CACNA1S: variants seen among roughly 807,000 people sequenced by gnomAD.
CACNA1S encodes voltage-dependent L-type calcium channel subunit alpha-1S.
A neutral mutation model predicts 207.4 loss-of-function variants in CACNA1S; 126 were observed. The observed-to-expected ratio is 0.61, with a 90% CI of 0.53 to 0.70. CACNA1S has a LOEUF of 0.70. CACNA1S is among the 30% of genes least tolerant of loss of function. The pLI is 0.00. For missense variants in CACNA1S, 2,349 were observed against 2,422.8 expected (o/e 0.97, Z 0.64); for synonymous variants, 960 against 932.7 (o/e 1.03, Z -0.53).
rs765510865 is a variant in CACNA1S at position 201,054,529 on chromosome 1, G to A, written c.3642C>T (p.Cys1214=). The change falls in exon 29 of 44, where the codon TGC becomes TGT. Residue 1214 remains cysteine (C), a synonymous_variant. Transcript: ENST00000362061. ...CAACGTTCCCGCAGCCTCCACCCAG[G>A]CAATACAGTCCCCCGCTGGAGGCCA... is the stretch of plus-strand genomic sequence containing the variant. ...TFLASSGGLY[C]LGGGCGNVDP... 6 of 1,613,942 alleles carry A rather than the reference G, an allele frequency of 3.7e-6. No homozygotes were observed. The South Asian group carries it at 6.6e-5, about 18-fold the overall frequency.
rs1572044425 is a variant in CACNA1S, at chr1:201,071,926, G to A, written c.2227+829C>T. Among the ~76,000 whole-genome samples, 3 of 152,208 alleles carry A rather than the reference G, an allele frequency of 2.0e-5. No homozygotes were observed. In the East Asian group the frequency reaches 5.8e-4, roughly 29 times the overall value. ...CCTCCTCTGAGCCAAACACTGTGCTGTGTGGAACACAAAAGTCCCCCTGGA... is the reference window on the plus strand; with the variant it reads ...CCTCCTCTGAGCCAAACACTGTGCTATGTGGAACACAAAAGTCCCCCTGGA... On this transcript the variant is annotated intron_variant, in intron 16 of 43. Transcript: ENST00000362061.
intron 34 of CACNA1S, among the ~76,000 whole-genome samples, chr1:201,049,931 C>T (rs55734382): frequency 0.21 from 31,894 of 152,088 alleles, 4,456 homozygotes; most frequent in Non-Finnish European, 0.32. Context: ...TATTTCCTAT[C>T]GGGAAGGAAA....
chr1:201,047,476 C>G (rs774686972), intron 37 of CACNA1S, 49 bp downstream of exon 37: 11 of 1,491,408 alleles, frequency 7.4e-6, no homozygotes, highest in Non-Finnish European at 8.4e-6. Context: ...GCTCCCCACT[C>G]CCATTCCTTG....
chr1:201,084,776 G>T (rs1337830900), intron 9 of CACNA1S, among the ~76,000 whole-genome samples, 174 bp downstream of exon 9: 1 of 152,126 alleles, frequency 6.6e-6, no homozygotes, highest in African/African-American at 2.4e-5. Context: ...CCGAGGATCT[G>T]GTCCCTGCGG....
Position 201,052,624 on chromosome 1 carries a change from C to T in CACNA1S, c.3886G>A (p.Asp1296Asn). 6.2e-7 allele frequency: 1 copy of T among 1,613,876 alleles called. No homozygotes were observed. The highest frequency in any genetic ancestry group is 8.5e-7 in the Non-Finnish European group (1 of 1,179,906). The change falls in exon 32 of 44, where the codon GAT (aspartate) becomes AAT (asparagine). Residue 1296 changes from aspartate (D) to asparagine (N), a missense_variant. Transcript: ENST00000362061. ...TTGTTCCGGTTTATTTGGGTCCCAT[C>T]CACCAAGGCGATCTTCCCAAACATC... The part of the protein sequence containing the change: ...MQMFGKIALV[D>N]GTQINRNNNF...
At chr1:201,106,458 C>A (rs1244044420) in intron 2 of CACNA1S, among the ~76,000 whole-genome samples, 2 of 152,150 alleles carry the variant, frequency 1.3e-5, no homozygotes, top group Non-Finnish European at 2.9e-5. Context: ...CCCTCTCCCG[C>A]TTGGCCTTCT....
chr1:201,075,361 G>A (rs913781871), intron 13 of CACNA1S, 134 bp downstream of exon 13: 62 of 967,482 alleles, frequency 6.4e-5, no homozygotes, highest in Admixed American at 3.3e-4. Context: ...ACCCCCTACC[G>A]CATGGGCCTG....
intron 32 of CACNA1S, among the ~76,000 whole-genome samples, chr1:201,052,330 C>T (rs1345946819): frequency 6.6e-6 from 1 of 152,100 alleles, no homozygotes; most frequent in Non-Finnish European, 1.5e-5. Context: ...GTGGAGGAGC[C>T]CAGTGCAAAA....
intron 7 of CACNA1S, among the ~76,000 whole-genome samples, chr1:201,087,197 T>TA (rs1320504662): frequency 3.9e-5 from 6 of 152,202 alleles, no homozygotes; most frequent in African/African-American, 1.4e-4. Context: ...CTGTTCTAAG[T>TA]ACTTTATATG....
chr1:201,087,919 G>C lies in CACNA1S; in HGVS notation c.911C>G (p.Ala304Gly). ...GATCCAGGGCCACTCATTCCCGATGGCATCATTGACCTGGTCAGGACAGAA... is the reference window on the plus strand; with the variant it reads ...GATCCAGGGCCACTCATTCCCGATGCCATCATTGACCTGGTCAGGACAGAA... The part of the protein sequence containing the change: ...WTDVLYWVND[A>G]IGNEWPWIYF... Residue 304 changes from alanine (A) to glycine (G), a missense_variant, in exon 7 of 44, where the codon GCC becomes GGC. Physicochemically the swap from Ala to Gly is moderately conservative, Grantham distance 60 (BLOSUM62 0). Transcript: ENST00000362061. 3 of 1,610,856 alleles carry C rather than the reference G, an allele frequency of 1.9e-6. No homozygotes were observed. The highest frequency in any genetic ancestry group is 2.5e-6 in the Non-Finnish European group (3 of 1,177,362).
intron 2 of CACNA1S, among the ~76,000 whole-genome samples, chr1:201,102,626 C>T (rs193280675): frequency 5.9e-5 from 9 of 152,290 alleles, no homozygotes; most frequent in Middle Eastern, 3.4e-3. Context: ...TCCCTAGCTT[C>T]GGACGACAGC....
intron 14 of CACNA1S, 115 bp from the exon 15 acceptor site, chr1:201,073,757 G>A: frequency 1.1e-6 from 1 of 874,394 alleles, no homozygotes; most frequent in Non-Finnish European, 2.0e-6. Context: ...TCTGTAGGAG[G>A]AGTGGCATCA....
rs1663158375 is a variant in CACNA1S at position 201,112,329 on chromosome 1, G to T, written c.11C>A (p.Ser4Tyr). Residue 4 changes from serine to tyrosine, a missense_variant, in exon 1 of 44, where the codon TCC becomes TAC. Transcript: ENST00000362061. MEP[S>Y]SPQDEGLRKK... ...CCTCAGGCCTTCATCCTGGGGTGAG[G>T]ATGGCTCCATGGCTTCCCTGGGAAT... 1 of 1,612,936 alleles carries T rather than the reference G, an allele frequency of 6.2e-7. No individual in the cohort carries two copies. The highest frequency in any genetic ancestry group is 1.7e-5 in the Admixed American group (1 of 59,940).
chr1:201,075,329 G>A (rs1284672023), intron 13 of CACNA1S, among the ~76,000 whole-genome samples, 166 bp downstream of exon 13: 1 of 152,178 alleles, frequency 6.6e-6, no homozygotes, highest in Non-Finnish European at 1.5e-5. Context: ...TCCTACAGCT[G>A]TACCTGCATT....
rs1662140288 is a variant in CACNA1S at position 201,089,271 on chromosome 1, T to A, written c.887A>T (p.Asp296Val). 6.2e-7 allele frequency: 1 copy of A among 1,614,072 alleles called. No homozygotes were observed. The highest frequency in any genetic ancestry group is 1.3e-5 in the African/African-American group (1 of 74,946). The change falls in exon 6 of 44, where the codon GAC (aspartate) becomes GTC (valine). Residue 296 changes from aspartate (D) to valine (V), a missense_variant. Asp to Val is a radical substitution (Grantham distance 152). Transcript: ENST00000362061. ...YQCITMEGWT[D>V]VLYWVNDAIG... ...GCCCAGACCCACCCAGTAAAGGACG[T>A]CAGTCCATCCCTCCATGGTAATGCA...
chr1:201,079,128 AAAAAC>A (rs1661748261), intron 10 of CACNA1S, among the ~76,000 whole-genome samples: 1 of 150,402 alleles, frequency 6.6e-6, no homozygotes, highest in Admixed American at 6.6e-5. Flanking sequence ...TCAAAAAAAA[AAAAAC>A]AAAAAAACCC....
At chr1:201,062,782 G>A (rs538890389) in intron 22 of CACNA1S, among the ~76,000 whole-genome samples, 1 of 152,356 alleles carries the variant, frequency 6.6e-6, no homozygotes, top group African/African-American at 2.4e-5. Context: ...CGAGAAGGCA[G>A]TGCCTCAGAG....
Position 201,050,705 on chromosome 1 carries a change from G to A in CACNA1S, c.4114-189C>T, listed in dbSNP as rs539252339. ...ATGTCTCTGTGCTCTTGCACAGACA[G>A]TGCTCTCTGGCCTTGCTAAATTCCT... On this transcript the variant is annotated intron_variant, in intron 33 of 43. Coordinates refer to ENST00000362061, the MANE Select transcript of CACNA1S (RefSeq NM_000069.3). 9.9e-5 allele frequency among the ~76,000 whole-genome samples: 15 copies of A among 152,118 alleles called. No homozygotes were observed. In the East Asian group the frequency reaches 2.7e-3, roughly 27 times the overall value.
intron 7 of CACNA1S, among the ~76,000 whole-genome samples, chr1:201,085,813 C>G (rs1241613355): frequency 6.6e-6 from 1 of 152,114 alleles, no homozygotes; most frequent in African/African-American, 2.4e-5. Context: ...CTCCTTGCCC[C>G]TTCCTCATTT....
Sources: gnomAD v4.1 joint callset for allele counts (sites outside exome capture counted in the v4.1 genomes callset) on GRCh38, gnomAD v4.1.1 for gene constraint, MANE v1.5 for transcripts, NCBI Gene and HGNC (gene_info 2026-07-23, HGNC 2026-07-21) for gene names.